TTK: variants seen among roughly 807,000 people sequenced by gnomAD.
TTK encodes TTK protein kinase, also known as dual specificity protein kinase TTK.
TTK carries 59 observed loss-of-function variants against 117.3 expected under a neutral mutation model. The observed-to-expected ratio is 0.50, with a 90% confidence interval of 0.41 to 0.62. The LOEUF is 0.62. TTK is among the 20% of genes least tolerant of loss of function. The pLI, the probability that TTK is intolerant of heterozygous loss-of-function variation, is 0.00. For synonymous variants in TTK, 302 were observed against 325.0 expected (o/e 0.93, Z 0.76); for missense variants, 921 against 989.4 (o/e 0.93, Z 0.93).
rs1010370319 is a variant in TTK, at chr6:80,039,871, A to T, written c.2306A>T (p.Lys769Met). The change falls in exon 19 of 22, where the codon AAG becomes ATG. Residue 769 changes from lysine (K) to methionine (M), a missense_variant and splice_region_variant. Lys to Met is a moderately conservative substitution (Grantham distance 95). Coordinates refer to ENST00000369798, the MANE Select transcript of TTK (RefSeq NM_003318.5). ...GAGAAAGATCTTCAAGATGTGTTAA[A>T]GGTAATATTAATTTCATGTAACTAA... Reference protein sequence around the residue: ...IPEKDLQDVLKCCLKRDPKQR... With the variant: ...IPEKDLQDVLMCCLKRDPKQR... 1 of 1,541,614 alleles carries T rather than the reference A, an allele frequency of 6.5e-7. No homozygotes were observed. The highest frequency in any genetic ancestry group is 1.4e-5 in the African/African-American group (1 of 71,450).
At chr6:80,035,789 C>T (rs1767891048) in intron 16 of TTK, among the ~76,000 whole-genome samples, 1 of 151,914 alleles carries the variant, frequency 6.6e-6, no homozygotes, top group Admixed American at 6.6e-5. Flanking sequence ...GTATTGTATG[C>T]CCTGTGTGAG....
Position 80,022,396 on chromosome 6 carries a change from A to T in TTK, c.1181A>T (p.Glu394Val), listed in dbSNP as rs776075114. The part of the protein sequence containing the change: ...QKQWQSKRKS[E>V]CINQNPAASS... The stretch of plus-strand genomic sequence containing the variant: ...CAGTGGCAATCTAAGAGAAAGTCAG[A>T]GTGTATTAACCAGAATCCTGCTGCA... The change falls in exon 11 of 22, where the codon GAG (glutamate) becomes GTG (valine). Residue 394 changes from glutamate (E) to valine (V), a missense_variant. By Grantham distance (121) the Glu-to-Val change is moderately radical (BLOSUM62 -2). Coordinates refer to ENST00000369798, the MANE Select transcript of TTK (RefSeq NM_003318.5). 6.2e-7 allele frequency: 1 copy of T among 1,614,048 alleles called. No individual in the cohort carries two copies. The highest frequency in any genetic ancestry group is 1.1e-5 in the South Asian group (1 of 91,066).
intron 11 of TTK, among the ~76,000 whole-genome samples, chr6:80,024,733 G>A (rs1767560652): frequency 1.3e-5 from 2 of 152,162 alleles, no homozygotes; most frequent in East Asian, 1.9e-4. Flanking sequence ...AATAGTACAC[G>A]TAGAAAGAAA....
At chr6:80,035,483 T>C in intron 16 of TTK, 66 bp downstream of exon 16, 1 of 1,453,956 alleles carries the variant, frequency 6.9e-7, no homozygotes, top group Non-Finnish European at 9.2e-7. Context: ...CTTAGAGAAA[T>C]ATACCTATAA....
At chr6:80,015,295 G>A (rs1767278012) in intron 10 of TTK, among the ~76,000 whole-genome samples, 2 of 152,176 alleles carry the variant, frequency 1.3e-5, no homozygotes, top group Admixed American at 6.5e-5. Context: ...AACATGGGTA[G>A]TGTGCAAATA....
chr6:80,011,770 A>T lies in TTK; in HGVS notation c.770A>T (p.Asn257Ile), dbSNP rs1461818937. 1 of 1,612,866 alleles carries T rather than the reference A, an allele frequency of 6.2e-7. No homozygotes were observed. Among genetic ancestry groups the T allele is most frequent in the South Asian group, 1.1e-5 (1 of 91,032 alleles). ...PPQDAEIGYRNSLRQTNKTKQ... is the reference protein window; with the variant it reads ...PPQDAEIGYRISLRQTNKTKQ... ...CAAGATGCAGAAATAGGTTACCGGA[A>T]TTCATTGAGACAAACTAACAAAACT... The change falls in exon 7 of 22, where the codon AAT becomes ATT. Residue 257 changes from asparagine (N) to isoleucine (I), a missense_variant. Physicochemically the swap from Asn to Ile is moderately radical, Grantham distance 149. Transcript: ENST00000369798.
intron 10 of TTK, among the ~76,000 whole-genome samples, chr6:80,020,232 TA>T: frequency 6.6e-6 from 1 of 152,356 alleles, no homozygotes; most frequent in Middle Eastern, 3.4e-3. Flanking sequence ...TTTGCCCTGA[TA>T]GGTAATCTAA....
intron 18 of TTK, among the ~76,000 whole-genome samples, 187 bp downstream of exon 18, chr6:80,038,234 A>G (rs1445537796): frequency 2.0e-5 from 3 of 152,154 alleles, no homozygotes; most frequent in Non-Finnish European, 4.4e-5. Flanking sequence ...TGTGAATTCT[A>G]CATTTCCAAG....
intron 21 of TTK, 118 bp downstream of exon 21, chr6:80,040,821 G>A: frequency 1.3e-6 from 1 of 790,516 alleles, no homozygotes; most frequent in South Asian, 1.9e-5. Context: ...TATGAAACAT[G>A]TTTCTACATT....
rs187947108 is a variant in TTK at position 80,005,605 on chromosome 6, T to C, written c.-2-237T>C. 4.6e-5 allele frequency among the ~76,000 whole-genome samples: 7 copies of C among 152,306 alleles called. No individual in the cohort carries two copies. The East Asian group carries it at 1.3e-3, about 29-fold the overall frequency. On this transcript the variant is annotated intron_variant, in intron 1 of 21. Coordinates refer to ENST00000369798, the MANE Select transcript of TTK (RefSeq NM_003318.5). Reference sequence around the variant, plus strand: ...TGCAGATTTCTACAGTGTGACGTCATTGATGTTATATTGGGGGAAAAAGTA... The same window carrying C: ...TGCAGATTTCTACAGTGTGACGTCACTGATGTTATATTGGGGGAAAAAGTA...
At chr6:80,027,831 G>GACTTATTT (rs1195362595) in intron 12 of TTK, 54 bp from the exon 13 acceptor site, 1 of 1,346,704 alleles carries the variant, frequency 7.4e-7, no homozygotes, top group African/African-American at 1.5e-5. Context: ...AACTGAATCA[G>GACTTATTT]ACTTATTTGT....
intron 14 of TTK, among the ~76,000 whole-genome samples, chr6:80,032,144 C>G (rs946995577): frequency 2.0e-5 from 3 of 152,096 alleles, no homozygotes; most frequent in Non-Finnish European, 2.9e-5. Context: ...AGATTTTTGC[C>G]TTCATCACTC....
intron 4 of TTK, 135 bp from the exon 5 acceptor site, chr6:80,010,679 A>G: frequency 1.1e-6 from 1 of 879,266 alleles, no homozygotes; most frequent in Non-Finnish European, 1.7e-6. Context: ...AATAAAATAC[A>G]TGAGCCTTGG....
rs1316313546 is a variant in TTK at position 80,014,542 on chromosome 6, C to T, written c.1064C>T (p.Thr355Ile). ...GAACTTATTATTACTGATTCAATAA[C>T]CCTGAAGAATAAAACGGAATCAAGT... ...SSELIITDSI[T>I]LKNKTESSLL... Residue 355 changes from threonine (T) to isoleucine (I), a missense_variant, in exon 10 of 22, where the codon ACC becomes ATC. By Grantham distance (89) the Thr-to-Ile change is moderately conservative. Transcript: ENST00000369798. 4 of 1,606,354 alleles carry T rather than the reference C, an allele frequency of 2.5e-6. No homozygotes were observed. In the East Asian group the frequency reaches 9.0e-5, roughly 36 times the overall value.
chr6:80,014,718 T>G (rs994856661), intron 10 of TTK, 132 bp downstream of exon 10: 16 of 954,790 alleles, frequency 1.7e-5, no homozygotes, highest in Non-Finnish European at 2.4e-5. Context: ...GAATTTCCGT[T>G]CAGTTATATA....
In TTK at chr6:80,027,908, A is replaced by G; in HGVS notation, c.1418A>G (p.Asn473Ser). 6.2e-7 allele frequency: 1 copy of G among 1,603,794 alleles called. No individual in the cohort carries two copies. The highest frequency in any genetic ancestry group is 8.5e-7 in the Non-Finnish European group (1 of 1,174,274). ...MSCFRTPVVK[N>S]DFPPACQLST... is the part of the protein sequence containing the mutation. ...AGTTTTAGAACTCCAGTTGTAAAGA[A>G]TGACTTTCCACCTGCTTGTCAGTTG... Residue 473 changes from asparagine to serine, a missense_variant, in exon 13 of 22, where the codon AAT becomes AGT. Transcript: ENST00000369798.
Position 80,008,455 on chromosome 6 carries a change from T to C in TTK, c.432T>C (p.Phe144=), listed in dbSNP as rs1296765400. The change falls in exon 4 of 22, where the codon TTT becomes TTC. Residue 144 remains phenylalanine, a synonymous_variant. Coordinates refer to ENST00000369798, the MANE Select transcript of TTK (RefSeq NM_003318.5). Reference sequence around the variant, plus strand: ...GAGCAAACTGCAAGAAATTTGCTTTTGTTCATATATCTTTTGCACAATTTG... The same window carrying C: ...GAGCAAACTGCAAGAAATTTGCTTTCGTTCATATATCTTTTGCACAATTTG... ...MARANCKKFA[F]VHISFAQFEL... is the part of the protein sequence containing the mutation. The C allele has an allele frequency of 6.2e-7, 1 of 1,612,312 alleles. No individual in the cohort carries two copies. Among genetic ancestry groups the C allele is most frequent in the Non-Finnish European group, 8.5e-7 (1 of 1,179,078 alleles).
chr6:80,008,929 C>CTGTGTGTGTG (rs3049166), intron 4 of TTK, among the ~76,000 whole-genome samples: 21,360 of 142,114 alleles, frequency 0.15, 1,796 homozygotes, highest in Non-Finnish European at 0.17. Context: ...AACTATATAT[C>CTGTGTGTGTG]TGTGTGTGTG....
intron 5 of TTK, 59 bp downstream of exon 5, chr6:80,011,016 G>A (rs151587): frequency 0.59 from 871,340 of 1,487,468 alleles, 257,442 homozygotes; most frequent in Admixed American, 0.76. Context: ...ATAAAGATTC[G>A]GGATAATAAT....
Sources: gnomAD v4.1 joint callset for allele counts (sites outside exome capture counted in the v4.1 genomes callset) on GRCh38, gnomAD v4.1.1 for gene constraint, MANE v1.5 for transcripts, NCBI Gene and HGNC (gene_info 2026-07-23, HGNC 2026-07-21) for gene names.